Variants in CDK6 observed in about 807,000 individuals in gnomAD.
The protein encoded by CDK6 is cyclin dependent kinase 6, also known as cyclin-dependent kinase 6.
In CDK6, 6 loss-of-function variants were observed where a neutral mutation model predicts 37.1. The observed-to-expected ratio is 0.16, with a 90% CI of 0.09 to 0.32. The LOEUF is 0.32. Among genes scored for constraint, CDK6 ranks in the 10% least tolerant of loss-of-function variants. CDK6 has a pLI of 1.00. For missense variants in CDK6, 224 were observed against 418.9 expected (o/e 0.53, Z 4.06); for synonymous variants, 160 against 161.3 (o/e 0.99, Z 0.06).
At position 92,611,537 on chromosome 7, in the gene CDK6, T is replaced by C. The variant is rs1472104216; in HGVS notation, c.*3603A>G. 1 of 227,562 alleles carries C rather than the reference T, an allele frequency of 4.4e-6. No individual in the cohort carries two copies. The allele number at this position is 227,562 out of a possible 1,614,324, so 14.1% of individuals were successfully genotyped here. A position where few individuals can be genotyped will look rare whatever the true frequency, so the allele number is the denominator to read the frequency against. On this transcript the variant is annotated 3_prime_UTR_variant, in exon 8 of 8. Transcript: ENST00000424848. Reference sequence around the variant, plus strand: ...TAATTTAATTTCCACAATGGAACAATAATGGCCATTACTGACTTTAATAGG... The same window carrying C: ...TAATTTAATTTCCACAATGGAACAACAATGGCCATTACTGACTTTAATAGG...
At chr7:92,686,806 T>A (rs1056154601) in intron 4 of CDK6, among the ~76,000 whole-genome samples, 1 of 152,192 alleles carries the variant, frequency 6.6e-6, no homozygotes, top group African/African-American at 2.4e-5. Context: ...TTTTTTATTA[T>A]GGCCATTCTT....
At chr7:92,743,886 G>A (rs1179275106) in intron 3 of CDK6, among the ~76,000 whole-genome samples, 1 of 152,078 alleles carries the variant, frequency 6.6e-6, no homozygotes, top group Non-Finnish European at 1.5e-5. Flanking sequence ...TCTGGGGGAG[G>A]GAGTTATAGA....
intron 2 of CDK6, among the ~76,000 whole-genome samples, chr7:92,775,341 A>G (rs1799824027): frequency 6.6e-6 from 1 of 152,226 alleles, no homozygotes. Flanking sequence ...GTTTATTTCT[A>G]AGACAGCCCT....
chr7:92,793,658 AC>A (rs1800335601), intron 2 of CDK6, among the ~76,000 whole-genome samples: 2 of 152,180 alleles, frequency 1.3e-5, no homozygotes, highest in Admixed American at 1.3e-4. Flanking sequence ...TTAGAAAAAA[AC>A]ATAGCAGTAA....
intron 3 of CDK6, among the ~76,000 whole-genome samples, chr7:92,766,012 A>G (rs2115744941): frequency 6.6e-6 from 1 of 152,218 alleles, no homozygotes; most frequent in South Asian, 2.1e-4. Context: ...CTGTGGCTGG[A>G]GAACCGTGGG....
At chr7:92,783,107 G>A (rs546144351) in intron 2 of CDK6, among the ~76,000 whole-genome samples, 26 of 152,264 alleles carry the variant, frequency 1.7e-4, no homozygotes, top group African/African-American at 3.9e-4. Context: ...TGAGGTTCCT[G>A]ATCTGACCAT....
rs1795520569 is a variant in CDK6, at chr7:92,609,762, A to G, written c.*5378T>C. 1 of 230,684 alleles carries G rather than the reference A, an allele frequency of 4.3e-6. No homozygotes were observed. The highest frequency in any genetic ancestry group is 2.2e-5 in the African/African-American group (1 of 45,212). 14.3% of individuals were successfully genotyped at this position (230,684 alleles called of 1,614,324 possible). A position where few individuals can be genotyped will look rare whatever the true frequency, so the allele number is the denominator to read the frequency against. On this transcript the variant is annotated 3_prime_UTR_variant, in exon 8 of 8. Transcript: ENST00000424848. The stretch of plus-strand genomic sequence containing the variant: ...ACAGATGAGGACTGCCTTTTTAGTA[A>G]CTAAGCCTGTTTTAATCTAGAAAAG...
chr7:92,758,143 T>TA (rs1799360939), intron 3 of CDK6, among the ~76,000 whole-genome samples: 1 of 152,216 alleles, frequency 6.6e-6, no homozygotes, highest in South Asian at 2.1e-4. Context: ...GCAGAGCTCA[T>TA]AAACTTAATT....
chr7:92,777,791 G>T (rs1008669633), intron 2 of CDK6, among the ~76,000 whole-genome samples: 2 of 152,046 alleles, frequency 1.3e-5, no homozygotes, highest in African/African-American at 4.8e-5. Context: ...AGCTGGATGG[G>T]GATAGCATTG....
intron 3 of CDK6, among the ~76,000 whole-genome samples, chr7:92,734,963 AC>A (rs1238596586): frequency 6.6e-6 from 1 of 152,210 alleles, no homozygotes; most frequent in Admixed American, 6.5e-5. Context: ...GGATTTCAGC[AC>A]ATTGTTCCAC....
chr7:92,764,216 G>A (rs1799525714), intron 3 of CDK6, among the ~76,000 whole-genome samples: 1 of 150,814 alleles, frequency 6.6e-6, no homozygotes, highest in South Asian at 2.1e-4. Context: ...ATGGTTCGCT[G>A]CAACCTGAAT....
At chr7:92,717,907 T>C (rs1426577943) in intron 4 of CDK6, among the ~76,000 whole-genome samples, 1 of 152,222 alleles carries the variant, frequency 6.6e-6, no homozygotes, top group Non-Finnish European at 1.5e-5. Context: ...TGGTCATCGA[T>C]ATTTGCCTTC....
Position 92,827,148 on chromosome 7 carries a change from TA to T in CDK6, c.233+5942del, listed in dbSNP as rs1364857565. On this transcript the variant is annotated intron_variant, in intron 2 of 7. Transcript: ENST00000424848. Reference sequence around the variant, plus strand: ...ACAGTGAGATAATTTTTTGCATTCATAAAACAACTCAAATTTTATTATTATA... The same window carrying T: ...ACAGTGAGATAATTTTTTGCATTCATAAACAACTCAAATTTTATTATTATA... 4.6e-5 allele frequency among the ~76,000 whole-genome samples: 7 copies of T among 152,290 alleles called. No individual in the cohort carries two copies. In the East Asian group the frequency reaches 1.3e-3, roughly 29 times the overall value.
intron 5 of CDK6, among the ~76,000 whole-genome samples, chr7:92,654,516 A>G (rs1463218717): frequency 6.6e-6 from 1 of 152,158 alleles, no homozygotes; most frequent in East Asian, 1.9e-4. Context: ...GTTTATATCT[A>G]CCATGTTTCT....
intron 4 of CDK6, among the ~76,000 whole-genome samples, chr7:92,716,384 T>C (rs557269883): frequency 2.0e-5 from 3 of 152,352 alleles, no homozygotes; most frequent in East Asian, 1.9e-4. Context: ...TGCCATGCTG[T>C]AGAGTTACAG....
At chr7:92,619,543 T>TG (rs1795759644) in intron 6 of CDK6, among the ~76,000 whole-genome samples, 1 of 151,658 alleles carries the variant, frequency 6.6e-6, no homozygotes, top group Non-Finnish European at 1.5e-5. Flanking sequence ...CTCTACTTGT[T>TG]GGGACTAAGG....
rs1795574299 is a variant in CDK6, at chr7:92,612,055, T to C, written c.*3085A>G. 3 of 232,836 alleles carry C rather than the reference T, an allele frequency of 1.3e-5. No individual in the cohort carries two copies. The highest frequency in any genetic ancestry group is 2.5e-5 in the Non-Finnish European group (3 of 117,814). 14.4% of individuals were successfully genotyped at this position (232,836 alleles called of 1,614,324 possible). ...ATTTTTAAGATTAGGTCCTTTTTAT[T>C]ACCCTTTGCCATGGGATTTCTTATG... On this transcript the variant is annotated 3_prime_UTR_variant, in exon 8 of 8. Coordinates refer to ENST00000424848, the MANE Select transcript of CDK6 (RefSeq NM_001145306.2).
intron 2 of CDK6, among the ~76,000 whole-genome samples, chr7:92,781,596 C>A (rs963352554): frequency 6.6e-6 from 1 of 152,112 alleles, no homozygotes; most frequent in African/African-American, 2.4e-5. Context: ...ATTGTGGTTA[C>A]AATAAAAGGG....
chr7:92,672,166 T>TACACATACAC (rs1797090574), intron 4 of CDK6, among the ~76,000 whole-genome samples: 3 of 38,736 alleles, frequency 7.7e-5, no homozygotes, highest in South Asian at 9.2e-4. Context: ...TATATACACA[T>TACACATACAC]ACACACACAC....
Sources: allele counts gnomAD v4.1 joint callset (sites outside exome capture counted in the v4.1 genomes callset), GRCh38; gene constraint gnomAD v4.1.1; transcripts MANE v1.5; gene names NCBI Gene and HGNC (gene_info 2026-07-23, HGNC 2026-07-21).